SLC16A12: variants seen among roughly 807,000 people sequenced by gnomAD.
The protein encoded by SLC16A12 is monocarboxylate transporter 12.
In SLC16A12, 17 loss-of-function variants were observed where a neutral mutation model predicts 42.4. The observed-to-expected ratio is 0.40, with a 90% CI of 0.27 to 0.60. The LOEUF is 0.60. Among genes scored for constraint, SLC16A12 ranks in the 20% least tolerant of loss-of-function variants. SLC16A12 has a pLI of 0.42. For synonymous variants in SLC16A12, 224 were observed against 229.4 expected (o/e 0.98, Z 0.21); for missense variants, 544 against 623.0 (o/e 0.87, Z 1.35).
chr10:89,441,070 T>C, intron 5 of SLC16A12, 38 bp downstream of exon 5: 1 of 1,611,626 alleles, frequency 6.2e-7, no homozygotes. Context: ...AACCCCTGAA[T>C]GGAGTGGGGT....
intron 2 of SLC16A12, among the ~76,000 whole-genome samples, chr10:89,469,295 A>G (rs907525244): frequency 4.6e-5 from 7 of 152,244 alleles, no homozygotes; most frequent in African/African-American, 1.7e-4. Context: ...TGTTCTTCTA[A>G]GATTACTGTT....
chr10:89,497,979 A>G (rs987719152), intron 2 of SLC16A12, among the ~76,000 whole-genome samples: 1 of 152,208 alleles, frequency 6.6e-6, no homozygotes, highest in Non-Finnish European at 1.5e-5. Context: ...TGAAAACTTA[A>G]CAAGAAACAA....
chr10:89,531,576 G>A (rs944751199), intron 2 of SLC16A12, among the ~76,000 whole-genome samples: 9 of 152,166 alleles, frequency 5.9e-5, no homozygotes, highest in African/African-American at 2.2e-4. Flanking sequence ...TGGTTCAGAG[G>A]AGGAGAGCAT....
chr10:89,457,399 AG>A lies in SLC16A12; in HGVS notation c.200+4979del, dbSNP rs569965422. On this transcript the variant is annotated intron_variant, in intron 3 of 7. Coordinates refer to ENST00000371790, the MANE Select transcript of SLC16A12 (RefSeq NM_213606.4). ...AAAAAGCTCAACATCACTGATCATT[AG>A]AAAAATGCAAATCAAAACCCCAATG... 8.2e-4 allele frequency among the ~76,000 whole-genome samples: 125 copies of A among 152,334 alleles called. 1 individual carries two copies. The highest frequency in any genetic ancestry group is 5.0e-3 in the Admixed American group (76 of 15,300).
At chr10:89,545,987 T>A (rs548385187) in intron 2 of SLC16A12, among the ~76,000 whole-genome samples, 12 of 152,262 alleles carry the variant, frequency 7.9e-5, no homozygotes, top group African/African-American at 2.9e-4. Flanking sequence ...TGGCTAGCCA[T>A]ACGCAGAAAA....
intron 3 of SLC16A12, among the ~76,000 whole-genome samples, chr10:89,448,307 A>T (rs112345842): frequency 0.031 from 4,780 of 152,222 alleles, 259 homozygotes; most frequent in African/African-American, 0.11. Flanking sequence ...ACACACACAC[A>T]CACAAAAAGG....
At chr10:89,491,376 T>TAAAAACA (rs1013984566) in intron 2 of SLC16A12, among the ~76,000 whole-genome samples, 2 of 151,794 alleles carry the variant, frequency 1.3e-5, no homozygotes, top group Non-Finnish European at 2.9e-5. Flanking sequence ...AAAATAAAAA[T>TAAAAACA]AAAAACAAAA....
chr10:89,544,223 T>C (rs12415606), intron 2 of SLC16A12, among the ~76,000 whole-genome samples: 9,602 of 152,254 alleles, frequency 0.063, 508 homozygotes, highest in East Asian at 0.29. Flanking sequence ...GCTGTGCAGG[T>C]TGGTGGTTCT....
At chr10:89,467,703 T>C (rs1842425742) in intron 2 of SLC16A12, among the ~76,000 whole-genome samples, 1 of 152,308 alleles carries the variant, frequency 6.6e-6, no homozygotes, top group African/African-American at 2.4e-5. Context: ...AGGAATATAA[T>C]TGAGCTGGTA....
chr10:89,510,973 A>T (rs568683708), intron 2 of SLC16A12, among the ~76,000 whole-genome samples: 157 of 152,274 alleles, frequency 1.0e-3, no homozygotes, highest in African/African-American at 3.4e-3. Flanking sequence ...ACAAACTTAT[A>T]AAAAAATACT....
At chr10:89,549,667 G>A (rs546856235) in intron 2 of SLC16A12, among the ~76,000 whole-genome samples, 18 of 152,152 alleles carry the variant, frequency 1.2e-4, no homozygotes, top group East Asian at 1.9e-4. Flanking sequence ...GCTTTAGGGC[G>A]TTTCCACCTA....
chr10:89,498,991 A>G (rs1842960306), intron 2 of SLC16A12, among the ~76,000 whole-genome samples: 1 of 152,220 alleles, frequency 6.6e-6, no homozygotes, highest in Non-Finnish European at 1.5e-5. Flanking sequence ...CTTCAGCCCT[A>G]GATCTTCCCT....
chr10:89,452,946 A>G (rs1429176130), intron 3 of SLC16A12, among the ~76,000 whole-genome samples: 1 of 152,202 alleles, frequency 6.6e-6, no homozygotes, highest in Non-Finnish European at 1.5e-5. Context: ...CTAAGAACTG[A>G]CAGCTGCAGG....
intron 2 of SLC16A12, among the ~76,000 whole-genome samples, chr10:89,542,635 A>G (rs139837621): frequency 4.1e-4 from 62 of 152,126 alleles, no homozygotes; most frequent in African/African-American, 1.4e-3. Flanking sequence ...TTATCTCCCT[A>G]TCTATTGTCA....
At chr10:89,491,629 T>G (rs112036218) in intron 2 of SLC16A12, among the ~76,000 whole-genome samples, 3 of 152,112 alleles carry the variant, frequency 2.0e-5, no homozygotes, top group African/African-American at 7.2e-5. Flanking sequence ...TGGCCCTGCC[T>G]GGGGGAGGAG....
At chr10:89,506,636 C>G (rs1843066256) in intron 2 of SLC16A12, among the ~76,000 whole-genome samples, 1 of 152,128 alleles carries the variant, frequency 6.6e-6, no homozygotes, top group South Asian at 2.1e-4. Context: ...CGCAGAAAGG[C>G]TAAAAATTCC....
At chr10:89,533,012 G>A (rs1371373404) in intron 2 of SLC16A12, among the ~76,000 whole-genome samples, 2 of 152,128 alleles carry the variant, frequency 1.3e-5, no homozygotes, top group African/African-American at 4.8e-5. Context: ...TGATCTCCCT[G>A]CAATAAAGGA....
intron 2 of SLC16A12, among the ~76,000 whole-genome samples, chr10:89,514,919 C>T (rs1234207949): frequency 2.0e-5 from 3 of 151,982 alleles, no homozygotes; most frequent in East Asian, 1.9e-4. Context: ...GGTGAAACCT[C>T]GTCTCTACTA....
intron 2 of SLC16A12, among the ~76,000 whole-genome samples, chr10:89,551,948 T>G (rs192404099): frequency 6.2e-4 from 94 of 152,334 alleles, no homozygotes; most frequent in African/African-American, 1.9e-3. Context: ...TTATTTTTAA[T>G]TTTTTGAGAC....
Sources: allele counts gnomAD v4.1 joint callset (sites outside exome capture counted in the v4.1 genomes callset), GRCh38; gene constraint gnomAD v4.1.1; transcripts MANE v1.5; gene names NCBI Gene and HGNC (gene_info 2026-07-23, HGNC 2026-07-21).